ELP1: variants seen among roughly 807,000 people sequenced by gnomAD.
The protein encoded by ELP1 is elongator complex protein 1.
ELP1 carries 131 observed loss-of-function variants against 183.2 expected under a neutral mutation model. The ratio of observed to expected loss-of-function variants is 0.72; its 90% CI spans 0.62 to 0.83. The LOEUF (loss-of-function observed/expected upper bound fraction) is 0.83. ELP1 is among the 40% of genes least tolerant of loss of function. The pLI, the probability that ELP1 is intolerant of heterozygous loss-of-function variation, is 0.00. For missense variants in ELP1, 1,550 were observed against 1,594.9 expected (o/e 0.97, Z 0.48); for synonymous variants, 555 against 569.0 (o/e 0.98, Z 0.35).
At chr9:108,915,002 A>G (rs1306349071) in intron 10 of ELP1, among the ~76,000 whole-genome samples, 1 of 152,218 alleles carries the variant, frequency 6.6e-6, no homozygotes, top group Non-Finnish European at 1.5e-5. Context: ...CTAGAAGACA[A>G]GAAAATTTGA....
intron 14 of ELP1, among the ~76,000 whole-genome samples, chr9:108,906,037 T>G (rs577596915): frequency 6.6e-6 from 1 of 152,202 alleles, no homozygotes; most frequent in Non-Finnish European, 1.5e-5. Flanking sequence ...TGTGGGTAGA[T>G]GCTAAATTAA....
intron 29 of ELP1, among the ~76,000 whole-genome samples, 185 bp from the exon 30 acceptor site, chr9:108,882,372 G>A (rs1827963913): frequency 1.3e-5 from 2 of 152,046 alleles, no homozygotes; most frequent in African/African-American, 4.8e-5. Context: ...GACAAGGAAG[G>A]GGTGTAAATC....
chr9:108,910,889 C>G, intron 12 of ELP1, 121 bp downstream of exon 12: 1 of 766,994 alleles, frequency 1.3e-6, no homozygotes, highest in Non-Finnish European at 2.3e-6. Context: ...ATGATATCAA[C>G]TGCAGACTTA....
rs1827979985 is a variant in ELP1 at position 108,882,711 on chromosome 9, C to T, written c.3223-524G>A. 3.3e-5 allele frequency among the ~76,000 whole-genome samples: 5 copies of T among 151,592 alleles called. No individual in the cohort carries two copies. The South Asian group carries it at 1.0e-3, about 31-fold the overall frequency. Reference sequence around the variant, plus strand: ...CTGGCCCCAAGTGATCCTCCTGCCTCGGTCTCCCATGTAGCTGGGACTACA... The same window carrying T: ...CTGGCCCCAAGTGATCCTCCTGCCTTGGTCTCCCATGTAGCTGGGACTACA... On this transcript the variant is annotated intron_variant, in intron 29 of 36. Transcript: ENST00000374647.
intron 25 of ELP1, among the ~76,000 whole-genome samples, chr9:108,896,280 C>G (rs1828542339): frequency 6.6e-6 from 1 of 151,992 alleles, no homozygotes; most frequent in Admixed American, 6.6e-5. Context: ...CAAAAAAAAG[C>G]CATGCAATTT....
intron 12 of ELP1, among the ~76,000 whole-genome samples, chr9:108,910,796 G>A (rs1364503308): frequency 6.9e-6 from 1 of 145,588 alleles, no homozygotes; most frequent in Non-Finnish European, 1.5e-5. Context: ...GTCAGTAAGG[G>A]AAAAGGAATG....
At chr9:108,907,391 T>C (rs1436596410) in intron 13 of ELP1, among the ~76,000 whole-genome samples, 3 of 152,206 alleles carry the variant, frequency 2.0e-5, no homozygotes, top group African/African-American at 7.2e-5. Flanking sequence ...TGAAGTGAAA[T>C]AATGCATGTA....
Position 108,869,091 on chromosome 9 carries a change from C to T in ELP1, c.*24G>A, listed in dbSNP as rs201039322. The T allele has an allele frequency of 1.9e-5, 31 of 1,605,952 alleles. No individual in the cohort carries two copies. The highest frequency in any genetic ancestry group is 9.9e-5 in the South Asian group (9 of 90,918). ...AATGAGTGGAAATGGTCTTCTCTGT[C>T]GGATCCCTCCTAACTGCAGTCACTC... On this transcript the variant is annotated 3_prime_UTR_variant, in exon 37 of 37. Coordinates refer to ENST00000374647, the MANE Select transcript of ELP1 (RefSeq NM_003640.5).
At chr9:108,884,149 C>T (rs1431499645) in intron 29 of ELP1, among the ~76,000 whole-genome samples, 3 of 152,056 alleles carry the variant, frequency 2.0e-5, no homozygotes, top group African/African-American at 4.8e-5. Context: ...ATATTAATAA[C>T]ATTAAAGTCA....
At chr9:108,919,400 G>GT in intron 6 of ELP1, 51 bp from the exon 7 acceptor site, 1 of 1,242,690 alleles carries the variant, frequency 8.0e-7, no homozygotes, top group Non-Finnish European at 1.2e-6. Context: ...AAGTATCCCA[G>GT]AATCAAACAA....
chr9:108,876,645 T>C (rs1173671516), intron 35 of ELP1, among the ~76,000 whole-genome samples: 1 of 152,076 alleles, frequency 6.6e-6, no homozygotes, highest in Non-Finnish European at 1.5e-5. Flanking sequence ...CTTCCCATCA[T>C]GTCCTGCCTA....
At chr9:108,919,761 G>C (rs989083001) in intron 6 of ELP1, among the ~76,000 whole-genome samples, 3 of 152,154 alleles carry the variant, frequency 2.0e-5, no homozygotes, top group Non-Finnish European at 4.4e-5. Flanking sequence ...GAGTTAAGAT[G>C]TGAACAAGGT....
At chr9:108,891,079 T>C in intron 28 of ELP1, 124 bp downstream of exon 28, 1 of 935,696 alleles carries the variant, frequency 1.1e-6, no homozygotes, top group East Asian at 2.5e-5. Flanking sequence ...AAATTAATTT[T>C]TATCAGTGAG....
chr9:108,870,969 A>AT (rs33952302), intron 36 of ELP1, among the ~76,000 whole-genome samples: 5,271 of 83,494 alleles, frequency 0.063, 320 homozygotes, highest in South Asian at 0.17. Context: ...TTCATGCACC[A>AT]TTTTTTTTTT....
At chr9:108,884,536 T>C (rs889446403) in intron 29 of ELP1, among the ~76,000 whole-genome samples, 6 of 152,140 alleles carry the variant, frequency 3.9e-5, no homozygotes, top group Non-Finnish European at 5.9e-5. Flanking sequence ...ATAAAATGTA[T>C]GTTCTCTAAT....
intron 9 of ELP1, among the ~76,000 whole-genome samples, chr9:108,917,052 C>T (rs1829461822): frequency 6.6e-6 from 1 of 152,144 alleles, no homozygotes. Context: ...GGGACAAATG[C>T]TATTATTTGC....
intron 6 of ELP1, among the ~76,000 whole-genome samples, chr9:108,921,368 T>C (rs1047312512): frequency 6.6e-6 from 1 of 152,206 alleles, no homozygotes; most frequent in East Asian, 1.9e-4. Context: ...TATGTGATCT[T>C]TTATGACTGG....
At chr9:108,916,754 C>T (rs1029791354) in intron 9 of ELP1, among the ~76,000 whole-genome samples, 7 of 152,040 alleles carry the variant, frequency 4.6e-5, no homozygotes, top group Admixed American at 6.6e-5. Context: ...CAAAGAGTTG[C>T]GGACCGATGA....
chr9:108,930,326 T>C (rs902515703), intron 2 of ELP1, among the ~76,000 whole-genome samples: 2 of 152,182 alleles, frequency 1.3e-5, no homozygotes, highest in Admixed American at 1.3e-4. Context: ...GTTTTTAAAG[T>C]ACATATAGTT....
Sources: allele counts gnomAD v4.1 joint callset (sites outside exome capture counted in the v4.1 genomes callset), GRCh38; gene constraint gnomAD v4.1.1; transcripts MANE v1.5; gene names NCBI Gene and HGNC (gene_info 2026-07-23, HGNC 2026-07-21).